The following LRRC4C variants were observed in gnomAD, a reference collection of about 807,000 sequenced individuals.
LRRC4C encodes the protein leucine rich repeat containing 4C, also known as leucine-rich repeat-containing protein 4C.
LRRC4C carries 5 observed loss-of-function variants against 33.6 expected under a neutral mutation model. The observed-to-expected ratio is 0.15, with a 90% CI of 0.08 to 0.31. The LOEUF is 0.31. Among genes scored for constraint, LRRC4C ranks in the 10% least tolerant of loss-of-function variants. The pLI is 1.00. For missense variants in LRRC4C, 560 were observed against 796.7 expected (o/e 0.70, Z 3.58); for synonymous variants, 329 against 302.0 (o/e 1.09, Z -0.93).
At chr11:41,330,938 C>A (rs1951275430) in intron 1 of LRRC4C, among the ~76,000 whole-genome samples, 1 of 152,090 alleles carries the variant, frequency 6.6e-6, no homozygotes, top group Non-Finnish European at 1.5e-5. Context: ...TATATGCTTA[C>A]TGTTCTCTTT....
chr11:40,928,141 T>C (rs1055679677), intron 2 of LRRC4C, among the ~76,000 whole-genome samples: 67 of 151,450 alleles, frequency 4.4e-4, no homozygotes, highest in Non-Finnish European at 8.8e-5. Context: ...TCTTACACTG[T>C]TTTGTAGCAA....
chr11:40,118,447 T>G (rs1007679848), intron 6 of LRRC4C, among the ~76,000 whole-genome samples: 3 of 151,982 alleles, frequency 2.0e-5, no homozygotes, highest in Non-Finnish European at 2.9e-5. Context: ...AGCAAACAGA[T>G]GAAGTACAAT....
chr11:40,479,768 A>G (rs1312685628), intron 3 of LRRC4C, among the ~76,000 whole-genome samples: 1 of 152,172 alleles, frequency 6.6e-6, no homozygotes, highest in Non-Finnish European at 1.5e-5. Context: ...CATTAAAAAA[A>G]TCAGTGGAAA....
chr11:41,107,708 C>T (rs1941588409), intron 1 of LRRC4C, among the ~76,000 whole-genome samples: 1 of 152,086 alleles, frequency 6.6e-6, no homozygotes, highest in African/African-American at 2.4e-5. Flanking sequence ...TAGGCCGAAG[C>T]AGGCAGATCA....
chr11:41,105,274 A>G (rs1255441655), intron 1 of LRRC4C, among the ~76,000 whole-genome samples: 1 of 151,994 alleles, frequency 6.6e-6, no homozygotes, highest in African/African-American at 2.4e-5. Context: ...TTCCTTGAAA[A>G]ACTTCTATGC....
chr11:40,454,886 A>G (rs1952061170), intron 3 of LRRC4C, among the ~76,000 whole-genome samples: 2 of 152,072 alleles, frequency 1.3e-5, no homozygotes, highest in South Asian at 4.1e-4. Context: ...CTTAGTTTTT[A>G]TCAGTAATAA....
chr11:40,680,536 TC>T lies in LRRC4C; in HGVS notation c.-406-32259del, dbSNP rs368189386. Among the ~76,000 whole-genome samples the T allele has an allele frequency of 3.2e-3, 486 of 152,262 alleles. 4 individuals carry two copies. The highest frequency in any genetic ancestry group is 0.011 in the African/African-American group (463 of 41,560). On this transcript the variant is annotated intron_variant, in intron 2 of 6. Transcript: ENST00000528697. ...TGATTGAATCTTGGAGGCGGATCTTTCCCATGCTGTTCTCGTGATACTGAAA... is the reference window on the plus strand; with the variant it reads ...TGATTGAATCTTGGAGGCGGATCTTTCCATGCTGTTCTCGTGATACTGAAA...
chr11:40,279,898 TTAA>T (rs1361086115), intron 4 of LRRC4C, among the ~76,000 whole-genome samples: 19 of 152,210 alleles, frequency 1.2e-4, no homozygotes, highest in Admixed American at 3.3e-4. Context: ...TAATTTCATT[TTAA>T]AATCTTTAGT....
intron 5 of LRRC4C, among the ~76,000 whole-genome samples, chr11:40,172,746 C>A (rs1238095805): frequency 2.0e-5 from 3 of 152,104 alleles, no homozygotes; most frequent in African/African-American, 7.2e-5. Context: ...CATTTAATGG[C>A]ACCATCACTC....
intron 1 of LRRC4C, among the ~76,000 whole-genome samples, chr11:41,137,888 A>T (rs1943333323): frequency 6.6e-6 from 1 of 152,204 alleles, no homozygotes; most frequent in East Asian, 1.9e-4. Context: ...AAGTGGAAAG[A>T]TCTGGCTTTT....
At chr11:41,048,107 C>A (rs1857911563) in intron 1 of LRRC4C, among the ~76,000 whole-genome samples, 1 of 152,000 alleles carries the variant, frequency 6.6e-6, no homozygotes, top group Non-Finnish European at 1.5e-5. Context: ...TTTACCTTTT[C>A]TTTTTAAGAG....
chr11:40,652,394 A>G (rs1424906738), intron 2 of LRRC4C, among the ~76,000 whole-genome samples: 1 of 152,232 alleles, frequency 6.6e-6, no homozygotes, highest in Non-Finnish European at 1.5e-5. Context: ...AAATTCAGGA[A>G]GGAAATAGAC....
intron 1 of LRRC4C, among the ~76,000 whole-genome samples, chr11:41,142,470 C>T (rs528555491): frequency 4.4e-4 from 67 of 152,254 alleles, no homozygotes; most frequent in African/African-American, 1.5e-3. Context: ...CCTGCTGGCT[C>T]GGGGACTGCA....
At chr11:40,815,606 G>T (rs776068159) in intron 2 of LRRC4C, among the ~76,000 whole-genome samples, 23 of 152,102 alleles carry the variant, frequency 1.5e-4, no homozygotes, top group Non-Finnish European at 2.9e-4. Flanking sequence ...TTCCTTTGTG[G>T]CTCCTTTTTT....
chr11:40,914,754 A>G (rs1199917906), intron 2 of LRRC4C, among the ~76,000 whole-genome samples: 1 of 152,216 alleles, frequency 6.6e-6, no homozygotes, highest in Admixed American at 6.5e-5. Flanking sequence ...GAGGAAGTCA[A>G]ATTGTCCCTG....
At chr11:40,999,794 G>C (rs1854240050) in intron 1 of LRRC4C, among the ~76,000 whole-genome samples, 1 of 152,040 alleles carries the variant, frequency 6.6e-6, no homozygotes. Flanking sequence ...TTTTTTGGAA[G>C]CACAAAATAA....
chr11:41,400,000 G>T (rs1591434313), intron 1 of LRRC4C, among the ~76,000 whole-genome samples: 2 of 151,912 alleles, frequency 1.3e-5, no homozygotes, highest in Admixed American at 6.6e-5. Context: ...AGGCAACAGA[G>T]CCAGTGAAGA....
Position 40,201,602 on chromosome 11 carries a change from G to C in LRRC4C, c.-96+39917C>G, listed in dbSNP as rs1329138022. Among the ~76,000 whole-genome samples the C allele has an allele frequency of 2.6e-5, 4 of 152,136 alleles. No individual in the cohort carries two copies. In the East Asian group the frequency reaches 7.7e-4, roughly 29 times the overall value. ...GGTGCCTTCCTCTCTCAAAGGGTCA[G>C]TAAAGTCTGCAGACCCCATGGAAGC... On this transcript the variant is annotated intron_variant, in intron 5 of 6. Transcript: ENST00000528697.
chr11:40,245,311 T>C (rs1866242863), intron 4 of LRRC4C, among the ~76,000 whole-genome samples: 1 of 152,222 alleles, frequency 6.6e-6, no homozygotes, highest in African/African-American at 2.4e-5. Context: ...CATATGTTAC[T>C]ATATTATTTA....
Sources: allele counts gnomAD v4.1 joint callset (sites outside exome capture counted in the v4.1 genomes callset), GRCh38; gene constraint gnomAD v4.1.1; transcripts MANE v1.5; gene names NCBI Gene and HGNC (gene_info 2026-07-23, HGNC 2026-07-21).